Variants in TPR observed in about 807,000 individuals in gnomAD.
The protein encoded by TPR is translocated promoter region, nuclear basket protein, also known as nucleoprotein TPR.
A neutral mutation model predicts 316.1 loss-of-function variants in TPR; 51 were observed. The observed-to-expected ratio is 0.16, with a 90% confidence interval of 0.13 to 0.20. The LOEUF is 0.20. Ranked by LOEUF, TPR falls within the 10% of genes least tolerant of loss-of-function variation. TPR has a pLI of 1.00. For missense variants in TPR, 2,272 were observed against 2,754.8 expected, an observed-to-expected ratio of 0.82 and a Z score of 3.92; for synonymous variants, 981 against 914.7, an observed-to-expected ratio of 1.07 and a Z score of -1.31.
chr1:186,356,842 A>G lies in TPR; in HGVS notation c.1725-393T>C, dbSNP rs1018482318. Among the ~76,000 whole-genome samples the G allele has an allele frequency of 9.0e-4, 137 of 152,312 alleles. 2 individuals carry two copies. The highest frequency in any genetic ancestry group is 3.2e-3 in the African/African-American group (131 of 41,552). On this transcript the variant is annotated intron_variant, in intron 14 of 50. Transcript: ENST00000367478. ...CGGTCTGCTCCCTGAAATCTAGGAC[A>G]AGTCCTCTACCGCTATGATCCCACA...
At chr1:186,321,066 G>A (rs887572796) in intron 45 of TPR, among the ~76,000 whole-genome samples, 2 of 152,118 alleles carry the variant, frequency 1.3e-5, no homozygotes, top group Non-Finnish European at 1.5e-5. Context: ...AGAGGCACAG[G>A]GGTAGTGACA....
chr1:186,353,524 A>G (rs533202871), intron 18 of TPR, among the ~76,000 whole-genome samples, 164 bp downstream of exon 18: 45 of 152,308 alleles, frequency 3.0e-4, no homozygotes, highest in African/African-American at 1.1e-3. Context: ...CAATCACCCC[A>G]CTAACGCACA....
rs1657283140 is a variant in TPR, at chr1:186,312,019, T to C, written c.*1952A>G. 1 of 618,028 alleles carries C rather than the reference T, an allele frequency of 1.6e-6. No homozygotes were observed. The highest frequency in any genetic ancestry group is 2.8e-6 in the Non-Finnish European group (1 of 359,418). The allele number at this position is 618,028 out of a possible 1,614,324, so 38.3% of individuals were successfully genotyped here. A position where few individuals can be genotyped will look rare whatever the true frequency, so the allele number is the denominator to read the frequency against. ...TATTTCAGTTTAATAATTATTTTTA[T>C]AATACCCTTGACTAATAGCCATTAT... On this transcript the variant is annotated 3_prime_UTR_variant, in exon 51 of 51. Coordinates refer to ENST00000367478, the MANE Select transcript of TPR (RefSeq NM_003292.3).
At chr1:186,325,917 G>C in intron 41 of TPR, 63 bp from the exon 42 acceptor site, 1 of 1,586,156 alleles carries the variant, frequency 6.3e-7, no homozygotes, top group South Asian at 1.1e-5. Flanking sequence ...AAACCGGACA[G>C]AATAATTAAC....
chr1:186,355,134 C>A (rs1658985146), intron 17 of TPR, among the ~76,000 whole-genome samples: 1 of 151,970 alleles, frequency 6.6e-6, no homozygotes, highest in Non-Finnish European at 1.5e-5. Flanking sequence ...TGAATTCCTG[C>A]CCTCAAATGA....
Position 186,332,298 on chromosome 1 carries a change from T to C in TPR, c.5501A>G (p.Glu1834Gly). The C allele has an allele frequency of 6.2e-7, 1 of 1,612,840 alleles. No individual in the cohort carries two copies. Among genetic ancestry groups the C allele is most frequent in the South Asian group, 1.1e-5 (1 of 90,820 alleles). Reference protein sequence around the residue: ...SSSLPKRTREEEEDSTIEASD... With the variant: ...SSSLPKRTREGEEDSTIEASD... The stretch of plus-strand genomic sequence containing the variant: ...TGCTTCTATGGTGCTATCCTCTTCC[T>C]CTTCACGTGTACGCTTTGGCAAAGA... The change falls in exon 38 of 51, where the codon GAG becomes GGG. Residue 1834 changes from glutamate to glycine, a missense_variant. By Grantham distance (98) the Glu-to-Gly change is moderately conservative. Around this residue, in one of 10 missense-constraint regions of TPR, gnomAD observed 435 missense variants for 461.1 expected, o/e 0.94. Transcript: ENST00000367478.
Position 186,336,608 on chromosome 1 carries a change from A to G in TPR, c.4593T>C (p.Asp1531=). The part of the protein sequence containing the change: ...LQSELSRLRQ[D]LQDRTTQEEQ... ...CCTCCTGTGTGGTTCTATCTTGAAG[A>G]TCCTGACGAAGTCGTGAAAGTTCAG... Residue 1531 remains aspartate, a synonymous_variant, in exon 33 of 51, where the codon GAT becomes GAC. Coordinates refer to ENST00000367478, the MANE Select transcript of TPR (RefSeq NM_003292.3). The G allele has an allele frequency of 6.2e-7, 1 of 1,613,886 alleles. No homozygotes were observed. Among genetic ancestry groups the G allele is most frequent in the Non-Finnish European group, 8.5e-7 (1 of 1,179,896 alleles).
rs1173079488 is a variant in TPR at position 186,338,335 on chromosome 1, AT to A, written c.4152-93del. 1.0e-5 allele frequency: 11 copies of A among 1,082,408 alleles called. No homozygotes were observed. In the African/African-American group the frequency reaches 1.6e-4, roughly 16 times the overall value. 67.1% of individuals were successfully genotyped at this position (1,082,408 alleles called of 1,614,324 possible). On this transcript the variant is annotated intron_variant, in intron 30 of 50. Transcript: ENST00000367478. ...TGTAACTTTATGTTATACTGCTTTA[AT>A]AACTTTTTTTTTTGAAAATCCTAAA...
chr1:186,312,187 A>G lies in TPR; in HGVS notation c.*1784T>C, dbSNP rs773912832. The G allele has an allele frequency of 6.2e-7, 1 of 1,613,852 alleles. No homozygotes were observed. Among genetic ancestry groups the G allele is most frequent in the Admixed American group, 1.7e-5 (1 of 60,018 alleles). On this transcript the variant is annotated 3_prime_UTR_variant, in exon 51 of 51. Transcript: ENST00000367478. Reference sequence around the variant, plus strand: ...TAATACATAACAGGTGGCAGCATTCAGCAGTATATTTATAAACAGGAACCT... The same window carrying G: ...TAATACATAACAGGTGGCAGCATTCGGCAGTATATTTATAAACAGGAACCT...
In TPR at chr1:186,326,243, A is replaced by G. The variant is rs1412204232; in HGVS notation, c.5890-8T>C. The G allele has an allele frequency of 5.0e-6, 8 of 1,602,138 alleles. No individual in the cohort carries two copies. Among genetic ancestry groups the G allele is most frequent in the Non-Finnish European group, 6.8e-6 (8 of 1,174,186 alleles). On this transcript the variant is annotated splice_polypyrimidine_tract_variant and splice_region_variant and intron_variant, in intron 40 of 50. Transcript: ENST00000367478. ...CTCATCCTCTTCATAATCCTAGTAG[A>G]AAGTTCCCCAGGCATAAATAAAAGT...
chr1:186,355,197 G>A lies in TPR; in HGVS notation c.2171+213C>T, dbSNP rs529606425. ...TGGGATTACAGGCGTGAGCTGCTGC[G>A]CCTGGCTTCAACTTATCAAACAAGC... On this transcript the variant is annotated intron_variant, in intron 17 of 50. Transcript: ENST00000367478. Among the ~76,000 whole-genome samples the A allele has an allele frequency of 1.7e-3, 260 of 152,206 alleles. 1 individual carries two copies. Among genetic ancestry groups the A allele is most frequent in the Admixed American group, 3.2e-3 (49 of 15,298 alleles).
chr1:186,335,214 T>C (rs748270837), intron 34 of TPR, 85 bp from the exon 35 acceptor site: 14 of 1,552,544 alleles, frequency 9.0e-6, no homozygotes, highest in Non-Finnish European at 1.1e-5. Context: ...TTATTGTTAA[T>C]TCTCTCCGCA....
At position 186,353,391 on chromosome 1, in the gene TPR, A is replaced by C. The variant is rs1658930786; in HGVS notation, c.2334+297T>G. The stretch of plus-strand genomic sequence containing the variant: ...TGTCTCAAGAAAAAAAAAACCAAAA[A>C]AAAAAACGTCTTTGTTAGAACCAAA... On this transcript the variant is annotated intron_variant, in intron 18 of 50. Coordinates refer to ENST00000367478, the MANE Select transcript of TPR (RefSeq NM_003292.3). Among the ~76,000 whole-genome samples, 2 of 152,098 alleles carry C rather than the reference A, an allele frequency of 1.3e-5. 1 individual carries two copies. The highest frequency in any genetic ancestry group is 1.3e-4 in the Admixed American group (2 of 15,270).
Position 186,320,429 on chromosome 1 carries a change from A to G in TPR, c.6462-11T>C, listed in dbSNP as rs74500854. 1,844 of 1,598,274 alleles carry G rather than the reference A, an allele frequency of 1.2e-3. 25 individuals carry two copies. The African/African-American group carries it at 0.022, about 19-fold the overall frequency. ...GCAACCTGCGGCGAACTAAATGGACAAAAACTAATTTAAGATGAAATTTAA... is the reference window on the plus strand; with the variant it reads ...GCAACCTGCGGCGAACTAAATGGACGAAAACTAATTTAAGATGAAATTTAA... On this transcript the variant is annotated splice_polypyrimidine_tract_variant and intron_variant, in intron 45 of 50. Coordinates refer to ENST00000367478, the MANE Select transcript of TPR (RefSeq NM_003292.3).
intron 43 of TPR, chr1:186,322,807 C>G: frequency 1.9e-6 from 1 of 521,348 alleles, no homozygotes; most frequent in Non-Finnish European, 3.5e-6. Context: ...ATTCTATTAA[C>G]CAACAGACCA....
At chr1:186,363,046 A>G in intron 5 of TPR, 45 bp from the exon 6 acceptor site, 2 of 1,544,570 alleles carry the variant, frequency 1.3e-6, no homozygotes, top group Non-Finnish European at 1.7e-6. Context: ...AAGATGATAT[A>G]TGATTATTCA....
At position 186,351,927 on chromosome 1, in the gene TPR, A is replaced by T. The variant is rs199659619; in HGVS notation, c.2469+49T>A. The T allele has an allele frequency of 1.6e-4, 252 of 1,547,424 alleles. 8 individuals carry two copies. In the African/African-American group the frequency reaches 3.1e-3, roughly 19 times the overall value. ...GAAATTGAGAGGATAAAAAAAATCT[A>T]AATTTAACTTTTATACATTTTTTCT... On this transcript the variant is annotated intron_variant, in intron 19 of 50. Coordinates refer to ENST00000367478, the MANE Select transcript of TPR (RefSeq NM_003292.3).
intron 19 of TPR, 119 bp downstream of exon 19, chr1:186,351,857 G>T: frequency 8.6e-7 from 1 of 1,160,212 alleles, no homozygotes; most frequent in Non-Finnish European, 1.2e-6. Context: ...AAAATTCAAT[G>T]ATCATAATGG....
intron 39 of TPR, among the ~76,000 whole-genome samples, chr1:186,330,136 T>C (rs1445834147): frequency 6.6e-6 from 1 of 152,136 alleles, no homozygotes; most frequent in Admixed American, 6.6e-5. Context: ...CCAAAATAGA[T>C]GCCATTTTCT....
Sources: gnomAD v4.1 joint callset for allele counts (sites outside exome capture counted in the v4.1 genomes callset) on GRCh38, gnomAD v4.1.1 for gene constraint, gnomAD v4.1.1 regional missense constraint, MANE v1.5 for transcripts, NCBI Gene and HGNC (gene_info 2026-07-23, HGNC 2026-07-21) for gene names.